The following RBFOX1 variants were observed in gnomAD, a reference collection of about 807,000 sequenced individuals.
RBFOX1 encodes RNA binding fox-1 homolog 1, also known as RNA binding protein fox-1 homolog 1.
A neutral mutation model predicts 57.7 loss-of-function variants in RBFOX1; 8 were observed. The observed-to-expected ratio is 0.14, with a 90% CI of 0.08 to 0.25. The LOEUF is 0.25. Ranked by LOEUF, RBFOX1 falls within the 10% of genes least tolerant of loss-of-function variation. The pLI is 1.00. For missense variants in RBFOX1, 611 were observed against 548.5 expected (o/e 1.11, Z -1.14); for synonymous variants, 326 against 222.4 (o/e 1.47, Z -4.15).
chr16:7,610,094 G>T (rs28472446), intron 10 of RBFOX1, among the ~76,000 whole-genome samples: 1,410 of 140,952 alleles, frequency 0.01, 23 homozygotes, highest in African/African-American at 0.036. Context: ...GGGATTACAG[G>T]TGTGAGCCAC....
At chr16:6,839,908 C>T (rs1051989090) in intron 3 of RBFOX1, among the ~76,000 whole-genome samples, 3 of 152,124 alleles carry the variant, frequency 2.0e-5, no homozygotes, top group Non-Finnish European at 4.4e-5. Flanking sequence ...TCTTAACTTT[C>T]AATTGCATTA....
chr16:6,930,929 A>G (rs74008467), intron 3 of RBFOX1, among the ~76,000 whole-genome samples: 5,376 of 151,748 alleles, frequency 0.035, 313 homozygotes, highest in African/African-American at 0.12. Flanking sequence ...ATTTGTATGT[A>G]TATTCATATA....
Position 7,060,435 on chromosome 16 carries a change from T to A in RBFOX1, c.27+8337T>A, listed in dbSNP as rs144931874. Among the ~76,000 whole-genome samples the A allele has an allele frequency of 3.5e-3, 535 of 152,292 alleles. 4 individuals carry two copies. Among genetic ancestry groups the A allele is most frequent in the Middle Eastern group, 0.014 (4 of 294 alleles). ...AATAAATGCATGCACGTTCATATGT[T>A]TTACATTAAAACAAAAGCCTGAAGT... On this transcript the variant is annotated intron_variant, in intron 4 of 15. Transcript: ENST00000550418.
rs184818859 is a variant in RBFOX1 at position 7,207,037 on chromosome 16, C to T, written c.27+154939C>T. The stretch of plus-strand genomic sequence containing the variant: ...GCAATGCCATGCTTCATCCTGGCAA[C>T]TTCAAGGGCTTTATGGAAATACCCT... On this transcript the variant is annotated intron_variant, in intron 4 of 15. Coordinates refer to ENST00000550418, the MANE Select transcript of RBFOX1 (RefSeq NM_018723.4). 3.3e-5 allele frequency among the ~76,000 whole-genome samples: 5 copies of T among 152,260 alleles called. No individual in the cohort carries two copies. The East Asian group carries it at 9.7e-4, about 29-fold the overall frequency.
At chr16:6,852,021 GT>G (rs1446118828) in intron 3 of RBFOX1, among the ~76,000 whole-genome samples, 1 of 151,436 alleles carries the variant, frequency 6.6e-6, no homozygotes, top group African/African-American at 2.4e-5. Flanking sequence ...CATCTCCCGG[GT>G]TCATGCCATT....
chr16:6,217,028 C>T (rs1173316204), intron 1 of RBFOX1, among the ~76,000 whole-genome samples: 2 of 152,164 alleles, frequency 1.3e-5, no homozygotes, highest in South Asian at 2.1e-4. Context: ...CAAAAGAAAG[C>T]CCTCTTCAGG....
chr16:5,241,164 C>T (rs1690461405), intron 1 of RBFOX1, among the ~76,000 whole-genome samples: 2 of 152,226 alleles, frequency 1.3e-5, no homozygotes, highest in African/African-American at 4.8e-5. Flanking sequence ...AGAGCCCCCC[C>T]TGCCCAGTCT....
intron 2 of RBFOX1, among the ~76,000 whole-genome samples, chr16:6,334,750 C>A (rs543524117): frequency 6.6e-6 from 1 of 152,014 alleles, no homozygotes; most frequent in Non-Finnish European, 1.5e-5. Flanking sequence ...GGAACTCAGC[C>A]GGAAAGTGCT....
chr16:6,121,500 C>T (rs2096549082), intron 1 of RBFOX1, among the ~76,000 whole-genome samples: 1 of 152,200 alleles, frequency 6.6e-6, no homozygotes, highest in Non-Finnish European at 1.5e-5. Context: ...AAATTCTAGC[C>T]TCCAGGAATG....
chr16:6,469,637 A>G (rs927464586), intron 2 of RBFOX1, among the ~76,000 whole-genome samples: 1 of 152,208 alleles, frequency 6.6e-6, no homozygotes, highest in Non-Finnish European at 1.5e-5. Flanking sequence ...AGCCGGTGGA[A>G]TCACTGGCAA....
chr16:5,943,976 C>T (rs1392838048), intron 4 of RBFOX1, among the ~76,000 whole-genome samples: 1 of 151,416 alleles, frequency 6.6e-6, no homozygotes, highest in East Asian at 1.9e-4. Flanking sequence ...CCCCCCCACC[C>T]ATCCATCTTT....
At chr16:6,457,438 T>TCCCC (rs60318595) in intron 2 of RBFOX1, among the ~76,000 whole-genome samples, 6,693 of 51,164 alleles carry the variant, frequency 0.13, 1,012 homozygotes, top group Non-Finnish European at 0.2. Flanking sequence ...TTTCCGGAAG[T>TCCCC]CCCCCCCCCC....
At chr16:6,843,028 T>A (rs192000935) in intron 3 of RBFOX1, among the ~76,000 whole-genome samples, 1 of 152,298 alleles carries the variant, frequency 6.6e-6, no homozygotes, top group East Asian at 1.9e-4. Flanking sequence ...TGCCTAGTAT[T>A]CCATGGTGTG....
At chr16:7,693,749 G>C (rs1458946829) in intron 14 of RBFOX1, among the ~76,000 whole-genome samples, 2 of 152,128 alleles carry the variant, frequency 1.3e-5, no homozygotes, top group African/African-American at 4.8e-5. Flanking sequence ...GGTTCATAGA[G>C]ACTGATGTGT....
chr16:5,467,336 C>A, intron 2 of RBFOX1: 1 of 1,340,898 alleles, frequency 7.5e-7, no homozygotes, highest in Non-Finnish European at 1.0e-6. Flanking sequence ...TGCGTCACAG[C>A]CCTGCAACTT....
intron 1 of RBFOX1, among the ~76,000 whole-genome samples, chr16:6,166,191 A>G (rs182743762): frequency 8.0e-4 from 122 of 152,318 alleles, no homozygotes; most frequent in South Asian, 3.1e-3. Flanking sequence ...ACCTTGAAAT[A>G]GGACACCAGA....
At chr16:6,829,990 C>G (rs1160506602) in intron 3 of RBFOX1, among the ~76,000 whole-genome samples, 3 of 152,064 alleles carry the variant, frequency 2.0e-5, no homozygotes, top group African/African-American at 4.8e-5. Context: ...AGTCTCAGCT[C>G]TCTGCCACCT....
In RBFOX1 at chr16:5,908,185, TAC is replaced by T. The variant is rs1409562861; in HGVS notation, c.351+40854_351+40855del. On this transcript the variant is annotated intron_variant, in intron 4 of 19. Coordinates refer to the RBFOX1 transcript ENST00000641259. ...ATATATACACATATATACACATATA[TAC>T]ACATATATACATATACACACATATA... 4.1e-3 allele frequency among the ~76,000 whole-genome samples: 396 copies of T among 97,072 alleles called. 10 individuals are homozygous for T. The highest frequency in any genetic ancestry group is 0.013 in the African/African-American group (378 of 28,854). 63.7% of individuals were successfully genotyped at this position (97,072 alleles called of 152,430 possible).
chr16:6,999,756 C>A (rs2092623167), intron 3 of RBFOX1, among the ~76,000 whole-genome samples: 1 of 151,828 alleles, frequency 6.6e-6, no homozygotes, highest in African/African-American at 2.4e-5. Flanking sequence ...ACTGTATTGT[C>A]ATTAATGTTA....
Sources: gnomAD v4.1 joint callset for allele counts (sites outside exome capture counted in the v4.1 genomes callset) on GRCh38, gnomAD v4.1.1 for gene constraint, MANE v1.5 for transcripts, NCBI Gene and HGNC (gene_info 2026-07-23, HGNC 2026-07-21) for gene names.